Variants in SIPA1L1 observed in about 807,000 individuals in gnomAD.
SIPA1L1 encodes signal-induced proliferation-associated 1-like protein 1.
A neutral mutation model predicts 162.7 loss-of-function variants in SIPA1L1; 26 were observed. That is an observed-to-expected ratio of 0.16 (90% CI 0.12 to 0.22). The LOEUF is 0.22. SIPA1L1 is among the 10% of genes least tolerant of loss of function. The pLI is 1.00. For missense variants in SIPA1L1, 1,874 were observed against 2,241.0 expected, an observed-to-expected ratio of 0.84 and a Z score of 3.31; for synonymous variants, 829 against 837.4, an observed-to-expected ratio of 0.99 and a Z score of 0.17.
chr14:71,616,738 T>G (rs1274013694), intron 5 of SIPA1L1, among the ~76,000 whole-genome samples: 2 of 152,074 alleles, frequency 1.3e-5, no homozygotes, highest in African/African-American at 4.8e-5. Flanking sequence ...GAGGAGAAGG[T>G]AGATGAGGAG....
chr14:71,440,189 C>A (rs2141190950), intron 2 of SIPA1L1, among the ~76,000 whole-genome samples: 1 of 152,094 alleles, frequency 6.6e-6, no homozygotes, highest in East Asian at 1.9e-4. Flanking sequence ...CCATTCCTGG[C>A]TGATTTTTTT....
chr14:71,724,903 A>G, intron 19 of SIPA1L1, 68 bp downstream of exon 19: 2 of 1,402,552 alleles, frequency 1.4e-6, no homozygotes, highest in Non-Finnish European at 2.0e-6. Flanking sequence ...TATTAACCAT[A>G]GTCACACTTT....
intron 2 of SIPA1L1, among the ~76,000 whole-genome samples, chr14:71,456,544 C>A (rs1023515562): frequency 2.0e-5 from 3 of 152,194 alleles, no homozygotes; most frequent in African/African-American, 7.2e-5. Flanking sequence ...ATAAAATAGC[C>A]CAGGAATTAC....
Position 71,651,788 on chromosome 14 carries a change from A to G in SIPA1L1, c.1993+1279A>G, listed in dbSNP as rs576874497. ...ATCTGTGATGAAGGGTGATGTGAGA[A>G]ATGTATAGCTAGGGTATCGTTAAGC... On this transcript the variant is annotated intron_variant, in intron 8 of 23. Transcript: ENST00000381232. Among the ~76,000 whole-genome samples the G allele has an allele frequency of 2.6e-5, 4 of 152,330 alleles. No homozygotes were observed. The South Asian group carries it at 8.3e-4, about 32-fold the overall frequency.
At chr14:71,372,335 CT>C (rs976567944) in intron 2 of SIPA1L1, among the ~76,000 whole-genome samples, 2 of 152,098 alleles carry the variant, frequency 1.3e-5, no homozygotes, top group African/African-American at 4.8e-5. Context: ...TTCTCAATTT[CT>C]TTTTTTCTCC....
chr14:71,705,756 G>A (rs2082391865), intron 16 of SIPA1L1, among the ~76,000 whole-genome samples: 1 of 151,992 alleles, frequency 6.6e-6, no homozygotes, highest in Non-Finnish European at 1.5e-5. Context: ...AGTAAAGGAG[G>A]TGTAGGAGAC....
At chr14:71,544,189 A>G (rs547198045) in intron 4 of SIPA1L1, among the ~76,000 whole-genome samples, 67 of 151,346 alleles carry the variant, frequency 4.4e-4, no homozygotes, top group East Asian at 2.7e-3. Context: ...GTGTGTATAT[A>G]TACATATGCA....
intron 2 of SIPA1L1, among the ~76,000 whole-genome samples, chr14:71,473,799 T>A (rs2047649717): frequency 6.6e-6 from 1 of 151,996 alleles, no homozygotes; most frequent in South Asian, 2.1e-4. Context: ...TCAGAAGGAG[T>A]CTAGAACTAT....
chr14:71,723,371 TGTGAAAAAA>T (rs1476196587), intron 17 of SIPA1L1, among the ~76,000 whole-genome samples: 4 of 152,204 alleles, frequency 2.6e-5, no homozygotes, highest in African/African-American at 4.8e-5. Context: ...GTGGTGCCAA[TGTGAAAAAA>T]GTGAAAAAAG....
At chr14:71,544,020 T>TGTATGTATATACACACGC (rs2054811867) in intron 4 of SIPA1L1, among the ~76,000 whole-genome samples, 5 of 145,060 alleles carry the variant, frequency 3.4e-5, no homozygotes, top group Non-Finnish European at 4.5e-5. Context: ...TATATACACA[T>TGTATGTATATACACACGC]ACGCACATGT....
intron 2 of SIPA1L1, among the ~76,000 whole-genome samples, chr14:71,450,691 T>A (rs1439460711): frequency 6.6e-6 from 1 of 152,158 alleles, no homozygotes; most frequent in Non-Finnish European, 1.5e-5. Flanking sequence ...TAAAACCTGT[T>A]AGAATGGCTG....
chr14:71,528,985 G>A (rs59588710), intron 3 of SIPA1L1, among the ~76,000 whole-genome samples: 4,668 of 152,056 alleles, frequency 0.031, 250 homozygotes, highest in African/African-American at 0.11. Context: ...GGTGGCACAC[G>A]CCTGTAATCT....
intron 13 of SIPA1L1, among the ~76,000 whole-genome samples, chr14:71,691,375 T>G (rs1597012930): frequency 6.6e-6 from 1 of 152,108 alleles, no homozygotes; most frequent in South Asian, 2.1e-4. Context: ...GTGCATGGCT[T>G]GAGTCTAGGA....
At chr14:71,527,879 C>T (rs1438155609) in intron 3 of SIPA1L1, among the ~76,000 whole-genome samples, 1 of 152,188 alleles carries the variant, frequency 6.6e-6, no homozygotes, top group Middle Eastern at 3.4e-3. Flanking sequence ...GGACAGAGTT[C>T]TTATCTTTCC....
intron 2 of SIPA1L1, among the ~76,000 whole-genome samples, chr14:71,458,167 A>G (rs1039094070): frequency 4.6e-5 from 7 of 151,896 alleles, no homozygotes; most frequent in African/African-American, 1.7e-4. Context: ...TGCAAGCTTC[A>G]TGGTTTTGGC....
At chr14:71,463,909 G>A (rs2046794215) in intron 2 of SIPA1L1, among the ~76,000 whole-genome samples, 1 of 152,260 alleles carries the variant, frequency 6.6e-6, no homozygotes, top group South Asian at 2.1e-4. Context: ...GCCCATTGTG[G>A]TAGCTATGCC....
chr14:71,447,529 C>G (rs2045497743), intron 2 of SIPA1L1, among the ~76,000 whole-genome samples: 1 of 148,614 alleles, frequency 6.7e-6, no homozygotes, highest in Non-Finnish European at 1.5e-5. Flanking sequence ...CTATGGTTTA[C>G]TTAATCTGAT....
chr14:71,735,959 C>T (rs1046247624), intron 22 of SIPA1L1, among the ~76,000 whole-genome samples: 17 of 152,222 alleles, frequency 1.1e-4, no homozygotes, highest in African/African-American at 4.1e-4. Context: ...TTTCTGTTTT[C>T]CCCTTAGTTT....
chr14:71,655,519 A>G lies in SIPA1L1; in HGVS notation c.1994-2814A>G, dbSNP rs141798065. Among the ~76,000 whole-genome samples, 1,297 of 152,272 alleles carry G rather than the reference A, an allele frequency of 8.5e-3. 44 individuals are homozygous for G. The highest frequency in any genetic ancestry group is 0.061 in the Admixed American group (937 of 15,280). On this transcript the variant is annotated intron_variant, in intron 8 of 23. Coordinates refer to ENST00000381232, the MANE Select transcript of SIPA1L1 (RefSeq NM_001386936.1). The stretch of plus-strand genomic sequence containing the variant: ...GACTGCTGGGTCAAATGGTAGTTCT[A>G]TTGTTAGTTCTTTGAGAAATCTCCA...
Sources: gnomAD v4.1 joint callset for allele counts (sites outside exome capture counted in the v4.1 genomes callset) on GRCh38, gnomAD v4.1.1 for gene constraint, MANE v1.5 for transcripts, NCBI Gene and HGNC (gene_info 2026-07-23, HGNC 2026-07-21) for gene names.